The following KAZN variants were observed in gnomAD, a reference collection of about 807,000 sequenced individuals.
The protein encoded by KAZN is kazrin.
A neutral mutation model predicts 87.4 loss-of-function variants in KAZN; 40 were observed. The ratio of observed to expected loss-of-function variants is 0.46; its 90% confidence interval spans 0.36 to 0.60. KAZN has a LOEUF of 0.60. Among genes scored for constraint, KAZN ranks in the 20% least tolerant of loss-of-function variants. The probability of loss-of-function intolerance (pLI) is 0.00; values close to 1 mark genes in which losing one functional copy is unlikely to be tolerated. For synonymous variants in KAZN, 466 were observed against 458.3 expected (o/e 1.02, Z -0.22); for missense variants, 898 against 1,073.9 (o/e 0.84, Z 2.29).
At chr1:14,505,461 A>G (rs996751410) in intron 2 of KAZN, among the ~76,000 whole-genome samples, 2 of 152,188 alleles carry the variant, frequency 1.3e-5, no homozygotes, top group Admixed American at 1.3e-4. Flanking sequence ...CCTGAGATTG[A>G]ATGCTCGAAA....
chr1:14,700,451 A>G (rs972753578), intron 1 of KAZN, among the ~76,000 whole-genome samples: 4 of 151,510 alleles, frequency 2.6e-5, no homozygotes, highest in Non-Finnish European at 2.9e-5. Flanking sequence ...AGCCTGGGCT[A>G]CAGAACAAGA....
At chr1:14,053,996 A>AT (rs1457306858) in intron 1 of KAZN, among the ~76,000 whole-genome samples, 3 of 152,246 alleles carry the variant, frequency 2.0e-5, no homozygotes, top group African/African-American at 7.2e-5. Context: ...GTGAATCATC[A>AT]TAAAGGTCTT....
At chr1:14,628,797 A>G (rs1679333857) in intron 1 of KAZN, among the ~76,000 whole-genome samples, 1 of 151,120 alleles carries the variant, frequency 6.6e-6, no homozygotes, top group East Asian at 1.9e-4. Flanking sequence ...TGCTTCCATC[A>G]TTAACACTTA....
At chr1:14,349,358 G>T (rs1038710168) in intron 2 of KAZN, 2 of 152,160 alleles carry the variant, frequency 1.3e-5, no homozygotes, top group South Asian at 2.1e-4. Context: ...GCCACGGGTG[G>T]TTTTTTTGAA....
chr1:14,988,579 C>T (rs570993181), intron 2 of KAZN, among the ~76,000 whole-genome samples: 9 of 152,344 alleles, frequency 5.9e-5, no homozygotes, highest in African/African-American at 2.2e-4. Context: ...CCAGTAACCC[C>T]GGGGTACATC....
chr1:14,430,211 AC>A (rs60082390), intron 2 of KAZN, among the ~76,000 whole-genome samples: 7,139 of 139,132 alleles, frequency 0.051, 271 homozygotes, highest in East Asian at 0.17. Flanking sequence ...CTGCCCTGCA[AC>A]CAAAAAAAAA....
In KAZN at chr1:14,568,136, G is replaced by A. The variant is rs4661505; in HGVS notation, c.250-30847G>A. Among the ~76,000 whole-genome samples the A allele has an allele frequency of 1.5e-3, 234 of 152,290 alleles. No individual in the cohort carries two copies. In the East Asian group the frequency reaches 0.016, roughly 10 times the overall value. On this transcript the variant is annotated intron_variant, in intron 2 of 16. Transcript: ENST00000636203. Reference sequence around the variant, plus strand: ...AGGTGAGCCCTTTCAAAGAGGATCCGCTCATTCCCTGAAGGAAGAGAATCC... The same window carrying A: ...AGGTGAGCCCTTTCAAAGAGGATCCACTCATTCCCTGAAGGAAGAGAATCC...
chr1:14,267,687 A>G (rs1651601268), intron 2 of KAZN, among the ~76,000 whole-genome samples: 1 of 152,150 alleles, frequency 6.6e-6, no homozygotes, highest in Non-Finnish European at 1.5e-5. Context: ...GAAAAGCTAT[A>G]ATGTGTGCAG....
chr1:13,999,391 A>G (rs913213154), intron 1 of KAZN, among the ~76,000 whole-genome samples: 2 of 151,796 alleles, frequency 1.3e-5, no homozygotes, highest in Non-Finnish European at 2.9e-5. Context: ...ACAAACAAAA[A>G]AAACCACAAC....
At chr1:14,626,314 G>C (rs775201819) in intron 1 of KAZN, among the ~76,000 whole-genome samples, 1 of 152,192 alleles carries the variant, frequency 6.6e-6, no homozygotes, top group South Asian at 2.1e-4. Flanking sequence ...AAAATATAAA[G>C]CTTCAGCCAT....
At chr1:14,053,562 A>T (rs137954565) in intron 1 of KAZN, among the ~76,000 whole-genome samples, 1 of 152,304 alleles carries the variant, frequency 6.6e-6, no homozygotes, top group East Asian at 1.9e-4. Flanking sequence ...GATGACACTT[A>T]TTGAAATGGG....
intron 1 of KAZN, among the ~76,000 whole-genome samples, chr1:14,011,829 C>T (rs1365969648): frequency 6.6e-6 from 1 of 152,090 alleles, no homozygotes; most frequent in Admixed American, 6.6e-5. Flanking sequence ...ATACATGTAT[C>T]AGCGTTTCCC....
chr1:14,581,901 CT>C (rs1250004905), intron 2 of KAZN, among the ~76,000 whole-genome samples: 1 of 152,186 alleles, frequency 6.6e-6, no homozygotes, highest in Non-Finnish European at 1.5e-5. Flanking sequence ...AGTTCTCCTT[CT>C]CCCCCTTCGT....
At chr1:15,030,575 G>T (rs1671594241) in intron 2 of KAZN, among the ~76,000 whole-genome samples, 2 of 152,220 alleles carry the variant, frequency 1.3e-5, no homozygotes, top group Non-Finnish European at 2.9e-5. Flanking sequence ...ATCTTTAGAT[G>T]TTGGGTCATC....
At chr1:14,563,681 G>C (rs568112419) in intron 2 of KAZN, among the ~76,000 whole-genome samples, 1 of 151,926 alleles carries the variant, frequency 6.6e-6, no homozygotes, top group South Asian at 2.1e-4. Context: ...CCATCCCCTG[G>C]AGGGCAGTCA....
intron 2 of KAZN, among the ~76,000 whole-genome samples, chr1:14,386,129 T>A (rs1267837287): frequency 6.8e-6 from 1 of 147,746 alleles, no homozygotes; most frequent in East Asian, 2.0e-4. Flanking sequence ...GAGACTAGGA[T>A]TGCAACCCCT....
intron 1 of KAZN, among the ~76,000 whole-genome samples, chr1:14,933,673 C>T (rs187593231): frequency 2.6e-5 from 4 of 152,108 alleles, no homozygotes; most frequent in Admixed American, 6.6e-5. Flanking sequence ...ACTGTGTTAC[C>T]CAGGCTGGTG....
intron 1 of KAZN, among the ~76,000 whole-genome samples, chr1:14,861,165 G>A (rs1650802806): frequency 6.6e-6 from 1 of 152,210 alleles, no homozygotes; most frequent in Admixed American, 6.5e-5. Flanking sequence ...ATCACCTGAG[G>A]TCAGGAATTT....
Position 15,063,610 on chromosome 1 carries a change from C to T in KAZN, c.1086C>T (p.Asn362=), listed in dbSNP as rs1439508829. ...GCCCAGTTCAGAAGAACCTGCACAA[C>T]CCTATTGTACAGGTAGGTGTGCCCT... The part of the protein sequence containing the change: ...SPGPVQKNLH[N]PIVQSLEDLE... The change falls in exon 7 of 15, where the codon AAC becomes AAT. Residue 362 remains asparagine (N), a synonymous_variant. Coordinates refer to ENST00000376030, the MANE Select transcript of KAZN (RefSeq NM_201628.3). The T allele has an allele frequency of 3.7e-6, 6 of 1,613,716 alleles. No individual in the cohort carries two copies. In the African/African-American group the frequency reaches 8.0e-5, roughly 22 times the overall value.
Sources: gnomAD v4.1 joint callset for allele counts (sites outside exome capture counted in the v4.1 genomes callset) on GRCh38, gnomAD v4.1.1 for gene constraint, MANE v1.5 for transcripts, NCBI Gene and HGNC (gene_info 2026-07-23, HGNC 2026-07-21) for gene names.